CAMK1D: variants seen among roughly 807,000 people sequenced by gnomAD.
CAMK1D encodes calcium/calmodulin-dependent protein kinase type 1D.
Under a neutral mutation model 47.7 loss-of-function variants are expected in CAMK1D, and 9 were observed. The observed-to-expected ratio is 0.19, with a 90% CI of 0.11 to 0.33. The LOEUF is 0.33. CAMK1D is among the 10% of genes least tolerant of loss of function. The pLI is 1.00. For synonymous variants in CAMK1D, 184 were observed against 184.9 expected (o/e 0.99, Z 0.04); for missense variants, 291 against 488.7 (o/e 0.60, Z 3.81).
intron 2 of CAMK1D, among the ~76,000 whole-genome samples, chr10:12,641,636 G>T (rs748314257): frequency 2.7e-5 from 4 of 150,916 alleles, no homozygotes; most frequent in Non-Finnish European, 3.0e-5. Flanking sequence ...AAAAAGCAAA[G>T]AAAAAAAGAG....
Position 12,828,953 on chromosome 10 carries a change from C to T in CAMK1D, c.*66C>T, listed in dbSNP as rs1045621341. ...GGGAGCCCCAGGGTCGCCAGAGCCGCGAGCCACTCCAGCGAGACCCCACCT... is the reference window on the plus strand; with the variant it reads ...GGGAGCCCCAGGGTCGCCAGAGCCGTGAGCCACTCCAGCGAGACCCCACCT... On this transcript the variant is annotated 3_prime_UTR_variant, in exon 11 of 11. Transcript: ENST00000619168. 12 of 1,204,450 alleles carry T rather than the reference C, an allele frequency of 1.0e-5. No individual in the cohort carries two copies. The highest frequency in any genetic ancestry group is 2.6e-5 in the East Asian group (1 of 38,518). 74.6% of individuals were successfully genotyped at this position (1,204,450 alleles called of 1,614,324 possible).
At chr10:12,479,590 A>T (rs573296056) in intron 1 of CAMK1D, among the ~76,000 whole-genome samples, 78 of 152,214 alleles carry the variant, frequency 5.1e-4, no homozygotes, top group African/African-American at 1.9e-3. Context: ...TGAGTCTCCC[A>T]CTCAGCCAAG....
chr10:12,355,734 G>T (rs1449932383), intron 1 of CAMK1D, among the ~76,000 whole-genome samples: 1 of 152,152 alleles, frequency 6.6e-6, no homozygotes, highest in African/African-American at 2.4e-5. Flanking sequence ...TTTGAGGCGT[G>T]ATATAAATTC....
chr10:12,522,545 A>C (rs1835457270), intron 1 of CAMK1D, among the ~76,000 whole-genome samples: 1 of 152,084 alleles, frequency 6.6e-6, no homozygotes, highest in African/African-American at 2.4e-5. Flanking sequence ...ATCCCAAGGC[A>C]GAAGAATCTT....
At chr10:12,423,024 T>A (rs1440833704) in intron 1 of CAMK1D, among the ~76,000 whole-genome samples, 1 of 152,148 alleles carries the variant, frequency 6.6e-6, no homozygotes, top group African/African-American at 2.4e-5. Flanking sequence ...TTGTTTCTTT[T>A]GGGGAGGGTT....
chr10:12,625,769 C>A (rs964497678), intron 2 of CAMK1D, among the ~76,000 whole-genome samples: 1 of 152,078 alleles, frequency 6.6e-6, no homozygotes, highest in South Asian at 2.1e-4. Flanking sequence ...AGACTCCTTA[C>A]ACGTCTTCAC....
intron 1 of CAMK1D, among the ~76,000 whole-genome samples, chr10:12,394,119 G>A (rs1417279464): frequency 2.0e-5 from 3 of 152,170 alleles, no homozygotes; most frequent in Non-Finnish European, 2.9e-5. Context: ...GATCGTTTGC[G>A]ATAATGGCTC....
chr10:12,659,818 G>A (rs1840223057), intron 2 of CAMK1D, among the ~76,000 whole-genome samples: 1 of 152,164 alleles, frequency 6.6e-6, no homozygotes, highest in South Asian at 2.1e-4. Flanking sequence ...ACAATGGTGG[G>A]TAGTGAAAGA....
intron 1 of CAMK1D, among the ~76,000 whole-genome samples, chr10:12,418,945 G>A (rs908390133): frequency 1.3e-5 from 2 of 152,176 alleles, no homozygotes; most frequent in African/African-American, 4.8e-5. Context: ...GGCCTCAGTC[G>A]CGGGCGTGGT....
rs961093416 is a variant in CAMK1D at position 12,695,985 on chromosome 10, G to A, written c.299+29175G>A. ...CCCAGCTACTTGGGAGGCTGAGGCA[G>A]GAGAATCGCTTGAACCCGGGAGGTG... On this transcript the variant is annotated intron_variant, in intron 3 of 10. Coordinates refer to ENST00000619168, the MANE Select transcript of CAMK1D (RefSeq NM_153498.4). 2.0e-5 allele frequency among the ~76,000 whole-genome samples: 3 copies of A among 152,138 alleles called. No homozygotes were observed. In the South Asian group the frequency reaches 6.2e-4, roughly 32 times the overall value.
At chr10:12,426,137 C>T (rs1375989193) in intron 1 of CAMK1D, among the ~76,000 whole-genome samples, 1 of 152,200 alleles carries the variant, frequency 6.6e-6, no homozygotes, top group African/African-American at 2.4e-5. Context: ...GTCTTTGGGC[C>T]ATGCAGTATT....
At chr10:12,671,253 C>A (rs1476030413) in intron 3 of CAMK1D, among the ~76,000 whole-genome samples, 1 of 152,040 alleles carries the variant, frequency 6.6e-6, no homozygotes, top group East Asian at 1.9e-4. Context: ...AATAATGATG[C>A]AGGCATTTTC....
intron 2 of CAMK1D, among the ~76,000 whole-genome samples, chr10:12,587,519 G>T (rs575713303): frequency 6.7e-6 from 1 of 150,100 alleles, no homozygotes; most frequent in Admixed American, 6.7e-5. Flanking sequence ...ATTAAATCAG[G>T]CTCTCTGGGA....
intron 2 of CAMK1D, among the ~76,000 whole-genome samples, chr10:12,560,555 GA>G (rs1164348622): frequency 0.11 from 11,756 of 105,406 alleles, 695 homozygotes; most frequent in East Asian, 0.24. Context: ...CTCTATCTCG[GA>G]AAAAAAAAAA....
intron 1 of CAMK1D, among the ~76,000 whole-genome samples, chr10:12,418,234 A>C (rs1365005445): frequency 1.3e-5 from 2 of 152,328 alleles, no homozygotes; most frequent in Middle Eastern, 6.8e-3. Context: ...GAGGCAGAGA[A>C]CATGCCATCA....
At chr10:12,666,697 A>G in intron 2 of CAMK1D, 39 bp from the exon 3 acceptor site, 1 of 1,501,380 alleles carries the variant, frequency 6.7e-7, no homozygotes, top group Non-Finnish European at 9.3e-7. Flanking sequence ...TTCCTATCTA[A>G]TCATACTCAC....
In CAMK1D at chr10:12,833,285, G is replaced by A. The variant is rs2431636; in HGVS notation, c.*4398G>A. ...ATCGTAGGTGGGAGGGACAGAAGCC[G>A]AGAACACCAGGCACACGGGGTGGGG... On this transcript the variant is annotated 3_prime_UTR_variant, in exon 11 of 11. Transcript: ENST00000619168. The A allele has an allele frequency of 0.24, 36,109 of 152,632 alleles. 5,359 individuals carry two copies. The highest frequency in any genetic ancestry group is 0.42 in the African/African-American group (17,590 of 41,490). 9.5% of individuals were successfully genotyped at this position (152,632 alleles called of 1,614,324 possible).
chr10:12,670,679 C>T (rs1840587556), intron 3 of CAMK1D, among the ~76,000 whole-genome samples: 1 of 152,030 alleles, frequency 6.6e-6, no homozygotes, highest in Admixed American at 6.6e-5. Flanking sequence ...TCCAGAGTAG[C>T]TGGGATTGTG....
chr10:12,751,715 C>G (rs1328067499), intron 3 of CAMK1D, among the ~76,000 whole-genome samples: 1 of 152,178 alleles, frequency 6.6e-6, no homozygotes, highest in Non-Finnish European at 1.5e-5. Context: ...AAGCTAGGAC[C>G]TAAGCGATGA....
Sources: gnomAD v4.1 joint callset for allele counts (sites outside exome capture counted in the v4.1 genomes callset) on GRCh38, gnomAD v4.1.1 for gene constraint, MANE v1.5 for transcripts, NCBI Gene and HGNC (gene_info 2026-07-23, HGNC 2026-07-21) for gene names.